The following AKAP11 variants were observed in gnomAD, a reference collection of about 807,000 sequenced individuals.
AKAP11 encodes A-kinase anchoring protein 11, also known as A-kinase anchor protein 11.
A neutral mutation model predicts 146.1 loss-of-function variants in AKAP11; 36 were observed. The observed-to-expected ratio is 0.25, with a 90% CI of 0.19 to 0.33. AKAP11 has a LOEUF of 0.33. Ranked by LOEUF, AKAP11 falls within the 10% of genes least tolerant of loss-of-function variation. The probability of loss-of-function intolerance (pLI) is 1.00; values close to 1 mark genes in which losing one functional copy is unlikely to be tolerated. For synonymous variants in AKAP11, 780 were observed against 786.5 expected, an observed-to-expected ratio of 0.99 and a Z score of 0.14; for missense variants, 2,201 against 2,197.0, an observed-to-expected ratio of 1.00 and a Z score of -0.04.
chr13:42,282,261 T>A (rs1959078610), intron 1 of AKAP11, among the ~76,000 whole-genome samples: 2 of 100,146 alleles, frequency 2.0e-5, no homozygotes, highest in Non-Finnish European at 2.3e-5. Flanking sequence ...TAGGCCAGTC[T>A]TTTTTTTTTT....
intron 4 of AKAP11, among the ~76,000 whole-genome samples, chr13:42,295,271 G>A (rs1195579611): frequency 1.3e-5 from 2 of 152,166 alleles, no homozygotes; most frequent in African/African-American, 2.4e-5. Context: ...AAGGGGGCTC[G>A]TGTGTAAGTG....
chr13:42,276,307 G>C (rs887756333), intron 1 of AKAP11, among the ~76,000 whole-genome samples: 6 of 152,062 alleles, frequency 3.9e-5, no homozygotes, highest in African/African-American at 1.4e-4. Flanking sequence ...GTGCAGTGGC[G>C]CAATCTTGGC....
chr13:42,281,712 A>T (rs1400399770), intron 1 of AKAP11, among the ~76,000 whole-genome samples: 6 of 152,134 alleles, frequency 3.9e-5, no homozygotes, highest in Non-Finnish European at 8.8e-5. Flanking sequence ...GTCTTCTTTT[A>T]TATTACATAT....
chr13:42,302,406 C>G lies in AKAP11; in HGVS notation c.3660C>G (p.Asn1220Lys), dbSNP rs1959979780. ...ATEMAASHLD[N>K]KIIQEPKVKN... is the part of the protein sequence containing the mutation. ...AAATGGCAGCTTCCCATTTAGATAA[C>G]AAAATAATTCAAGAACCCAAGGTTA... The change falls in exon 8 of 13, where the codon AAC (asparagine) becomes AAG (lysine). Residue 1220 changes from asparagine (N) to lysine (K), a missense_variant. Transcript: ENST00000025301. The G allele has an allele frequency of 6.2e-7, 1 of 1,613,974 alleles. No individual in the cohort carries two copies. Among genetic ancestry groups the G allele is most frequent in the Non-Finnish European group, 8.5e-7 (1 of 1,180,014 alleles).
chr13:42,319,533 C>A lies in AKAP11; in HGVS notation c.*305C>A, dbSNP rs1367285513. On this transcript the variant is annotated 3_prime_UTR_variant, in exon 13 of 13. Transcript: ENST00000025301. The stretch of plus-strand genomic sequence containing the variant: ...TTCAGGGGCATTGTCTGACCACATT[C>A]TTTTTGTATCCAAATAGTGCTGCTA... The A allele has an allele frequency of 8.7e-6, 2 of 229,780 alleles. No individual in the cohort carries two copies. The highest frequency in any genetic ancestry group is 1.7e-5 in the Non-Finnish European group (2 of 119,842). The allele number at this position is 229,780 out of a possible 1,614,324, so 14.2% of individuals were successfully genotyped here.
rs1448284224 is a variant in AKAP11, at chr13:42,321,322, G to GTGAGC, written c.*2098_*2099insCTGAG. On this transcript the variant is annotated 3_prime_UTR_variant, in exon 13 of 13. Transcript: ENST00000025301. ...CTGTTTATGGTGTAATCATTCTGAG[G>GTGAGC]TGAGGCTTTTCTTATTTCCTTTGCA... The GTGAGC allele has an allele frequency of 5.9e-5, 9 of 152,306 alleles. No homozygotes were observed. Among genetic ancestry groups the GTGAGC allele is most frequent in the African/African-American group, 2.2e-4 (9 of 41,442 alleles). The allele number at this position is 152,306 out of a possible 1,614,324, so 9.4% of individuals were successfully genotyped here. A position where few individuals can be genotyped will look rare whatever the true frequency, so the allele number is the denominator to read the frequency against.
Position 42,300,454 on chromosome 13 carries a change from C to A in AKAP11, c.1708C>A (p.Gln570Lys), listed in dbSNP as rs150108206. The A allele has an allele frequency of 8.7e-6, 14 of 1,613,962 alleles. No individual in the cohort carries two copies. The South Asian group carries it at 1.3e-4, about 15-fold the overall frequency. Reference protein sequence around the residue: ...KSFGSAFKDLQKGVSSCTNAL... With the variant: ...KSFGSAFKDLKKGVSSCTNAL... The stretch of plus-strand genomic sequence containing the variant: ...TTTTGGCAGTGCATTTAAAGACTTA[C>A]AGAAAGGAGTCTCTTCATGTACCAA... The change falls in exon 8 of 13, where the codon CAG becomes AAG. Residue 570 changes from glutamine (Q) to lysine (K), a missense_variant. Gln to Lys is a moderately conservative substitution (Grantham distance 53, BLOSUM62 1). Transcript: ENST00000025301.
chr13:42,312,954 C>T (rs1414484583), intron 9 of AKAP11, 93 bp from the exon 10 acceptor site: 1 of 988,066 alleles, frequency 1.0e-6, no homozygotes, highest in Non-Finnish European at 1.5e-6. Flanking sequence ...AGAACATCTG[C>T]AGTTATCAAG....
chr13:42,301,092 G>A lies in AKAP11; in HGVS notation c.2346G>A (p.Val782=), dbSNP rs1959867475. ...CTSGIVTSIP[V]PLAGSALLPY... ...CTGGAATTGTTACTTCTATACCGGT[G>A]CCCTTGGCAGGAAGTGCCCTTCTCC... The change falls in exon 8 of 13, where the codon GTG becomes GTA. Residue 782 remains valine (V), a synonymous_variant. Coordinates refer to ENST00000025301, the MANE Select transcript of AKAP11 (RefSeq NM_016248.4). The A allele has an allele frequency of 6.2e-7, 1 of 1,613,892 alleles. No individual in the cohort carries two copies. Among genetic ancestry groups the A allele is most frequent in the African/African-American group, 1.3e-5 (1 of 74,912 alleles).
Position 42,298,533 on chromosome 13 carries a change from A to G in AKAP11, c.352A>G (p.Ser118Gly), listed in dbSNP as rs201047341. ...LDISSDPLNQ[S>G]HPSGMLCVMR... ...TTTATTATCTTTTATCTTTCCCAAG[A>G]GTCATCCTTCTGGAATGCTTTGTGT... Residue 118 changes from serine to glycine, a missense_variant and splice_region_variant, in exon 7 of 13, where the codon AGT becomes GGT. By Grantham distance (56) the Ser-to-Gly change is moderately conservative. Around this residue, in one of 3 missense-constraint regions of AKAP11, gnomAD observed 331 missense variants for 347.4 expected, o/e 0.95. Transcript: ENST00000025301. The G allele has an allele frequency of 6.2e-7, 1 of 1,606,820 alleles. No homozygotes were observed. The highest frequency in any genetic ancestry group is 1.7e-5 in the Admixed American group (1 of 58,064).
Position 42,303,701 on chromosome 13 carries a change from A to T in AKAP11, c.4955A>T (p.Glu1652Val). 1 of 1,614,112 alleles carries T rather than the reference A, an allele frequency of 6.2e-7. No homozygotes were observed. The highest frequency in any genetic ancestry group is 1.1e-5 in the South Asian group (1 of 91,074). The change falls in exon 8 of 13, where the codon GAG becomes GTG. Residue 1652 changes from glutamate to valine, a missense_variant. Glu to Val is a moderately radical substitution (Grantham distance 121, BLOSUM62 -2). Transcript: ENST00000025301. ...VNLDKKAVLA[E>V]KIVAEAIEKA... is the part of the protein sequence containing the mutation. ...CTTGATAAGAAGGCAGTGCTTGCTG[A>T]GAAGATAGTTGCTGAAGCCATTGAA...
At chr13:42,283,952 T>C (rs1317765843) in intron 1 of AKAP11, among the ~76,000 whole-genome samples, 1 of 152,198 alleles carries the variant, frequency 6.6e-6, no homozygotes, top group Non-Finnish European at 1.5e-5. Context: ...GTATTTCTAT[T>C]GTGAGTTGTA....
At chr13:42,292,329 A>T (rs1959244834) in intron 3 of AKAP11, 56 bp from the exon 4 acceptor site, 1 of 1,110,002 alleles carries the variant, frequency 9.0e-7, no homozygotes, top group Non-Finnish European at 1.3e-6. Flanking sequence ...AGGATCTCTT[A>T]CCCTTGTCTT....
chr13:42,314,299 G>T (rs1960709254), intron 11 of AKAP11, among the ~76,000 whole-genome samples: 1 of 151,998 alleles, frequency 6.6e-6, no homozygotes, highest in African/African-American at 2.4e-5. Flanking sequence ...GCAAAAATTA[G>T]CTGGGCGTGG....
intron 9 of AKAP11, among the ~76,000 whole-genome samples, chr13:42,309,018 A>G (rs1191211728): frequency 6.6e-6 from 1 of 152,148 alleles, no homozygotes; most frequent in Non-Finnish European, 1.5e-5. Flanking sequence ...TAGTTAAAAT[A>G]GTATCTTTTT....
chr13:42,281,383 A>G (rs1566255781), intron 1 of AKAP11, among the ~76,000 whole-genome samples: 1 of 152,136 alleles, frequency 6.6e-6, no homozygotes, highest in Non-Finnish European at 1.5e-5. Flanking sequence ...AAATAAGCTG[A>G]TGTGTACAGG....
In AKAP11 at chr13:42,299,281, G is replaced by A. The variant is rs1046325563; in HGVS notation, c.617-82G>A. 6 of 1,171,438 alleles carry A rather than the reference G, an allele frequency of 5.1e-6. No homozygotes were observed. The African/African-American group carries it at 9.4e-5, about 18-fold the overall frequency. 72.6% of individuals were successfully genotyped at this position (1,171,438 alleles called of 1,614,324 possible). On this transcript the variant is annotated intron_variant, in intron 7 of 12. Coordinates refer to ENST00000025301, the MANE Select transcript of AKAP11 (RefSeq NM_016248.4). The stretch of plus-strand genomic sequence containing the variant: ...TACACATAAATATTATATGTTTAAA[G>A]TCAGTTTATTCCATGGATTTAAGTT...
chr13:42,282,736 G>A (rs1205918290), intron 1 of AKAP11, among the ~76,000 whole-genome samples: 3 of 152,104 alleles, frequency 2.0e-5, no homozygotes, highest in African/African-American at 7.2e-5. Flanking sequence ...AGTTTTCTGT[G>A]TGTTTCCTGA....
Position 42,300,466 on chromosome 13 carries a change from T to C in AKAP11, c.1720T>C (p.Ser574Pro). 1 of 1,614,010 alleles carries C rather than the reference T, an allele frequency of 6.2e-7. No homozygotes were observed. The highest frequency in any genetic ancestry group is 2.2e-5 in the East Asian group (1 of 44,890). ...ATTTAAAGACTTACAGAAAGGAGTC[T>C]CTTCATGTACCAATGCTTTGTACCA... ...SAFKDLQKGV[S>P]SCTNALYHLA... The change falls in exon 8 of 13, where the codon TCT becomes CCT. Residue 574 changes from serine (S) to proline (P), a missense_variant. Ser to Pro is a moderately conservative substitution (Grantham distance 74). This residue lies in a region of AKAP11 where 1,867 missense variants were observed against 1,833.5 expected (regional missense o/e 1.02). Transcript: ENST00000025301.
Sources: gnomAD v4.1 joint callset for allele counts (sites outside exome capture counted in the v4.1 genomes callset) on GRCh38, gnomAD v4.1.1 for gene constraint, gnomAD v4.1.1 regional missense constraint, MANE v1.5 for transcripts, NCBI Gene and HGNC (gene_info 2026-07-23, HGNC 2026-07-21) for gene names.